The following RANBP2 variants were observed in gnomAD, a reference collection of about 807,000 sequenced individuals.
RANBP2 encodes the protein RAN binding protein 2.
A neutral mutation model predicts 303.6 loss-of-function variants in RANBP2; 57 were observed. That is an observed-to-expected ratio of 0.19 (90% CI 0.15 to 0.23). The LOEUF is 0.23. Among genes scored for constraint, RANBP2 ranks in the 10% least tolerant of loss-of-function variants. The pLI is 1.00. For synonymous variants in RANBP2, 1,167 were observed against 1,301.5 expected, an observed-to-expected ratio of 0.90 and a Z score of 2.23; for missense variants, 3,138 against 3,780.8, an observed-to-expected ratio of 0.83 and a Z score of 4.46.
chr2:109,385,563 C>T, the RANBP2 span, among the ~76,000 whole-genome samples: 40 of 152,330 alleles, frequency 2.6e-4, no homozygotes, highest in African/African-American at 9.4e-4. Context: ...CTTGAACTGT[C>T]CAGGGCAAAG....
At chr2:109,053,769 C>T in the RANBP2 span, among the ~76,000 whole-genome samples, 1 of 152,194 alleles carries the variant, frequency 6.6e-6, no homozygotes, top group South Asian at 2.1e-4. Context: ...GTAAGGACTC[C>T]ATTCGTCAGG....
chr2:108,764,653 T>G lies in RANBP2; in HGVS notation c.4114T>G (p.Cys1372Gly), dbSNP rs748526932. ...AAAGAATGCTTCAACTGCTAAGAAA[T>G]GTGTATCATGCCAAAATCTAAACCC... is the stretch of plus-strand genomic sequence containing the variant. ...SLKNASTAKK[C>G]VSCQNLNPSN... is the part of the protein sequence containing the mutation. Residue 1372 changes from cysteine (C) to glycine (G), a missense_variant, in exon 20 of 29, where the codon TGT (cysteine) becomes GGT (glycine). Around this residue, in one of 20 missense-constraint regions of RANBP2, gnomAD observed 388 missense variants for 328.5 expected, o/e 1.18. Coordinates refer to ENST00000283195, the MANE Select transcript of RANBP2 (RefSeq NM_006267.5). 3.2e-5 allele frequency: 52 copies of G among 1,613,974 alleles called. No individual in the cohort carries two copies. Among genetic ancestry groups the G allele is most frequent in the Non-Finnish European group, 4.4e-5 (52 of 1,179,948 alleles).
the RANBP2 span, among the ~76,000 whole-genome samples, chr2:109,643,031 A>T: frequency 1.1e-3 from 163 of 151,858 alleles, 1 homozygote; most frequent in Middle Eastern, 0.061. Flanking sequence ...TTTTTAAAAC[A>T]TTAGCCGGGT....
the RANBP2 span, among the ~76,000 whole-genome samples, chr2:109,363,949 A>T: frequency 6.6e-6 from 1 of 151,990 alleles, no homozygotes; most frequent in African/African-American, 2.4e-5. Context: ...TTTTTCTGGC[A>T]TCTATCCTGC....
At chr2:108,781,202 AATAAG>A (rs1295435296) in intron 25 of RANBP2, 62 bp from the exon 26 acceptor site, 4 of 1,494,548 alleles carry the variant, frequency 2.7e-6, no homozygotes, top group Non-Finnish European at 3.7e-6. Context: ...GGATTGATAA[AATAAG>A]AGGGGGATGA....
chr2:108,880,669 C>CA, the RANBP2 span, among the ~76,000 whole-genome samples: 10 of 152,206 alleles, frequency 6.6e-5, no homozygotes, highest in East Asian at 9.7e-4. Context: ...AATGGAAGAA[C>CA]AAAGCCTGGA....
Position 108,764,550 on chromosome 2 carries a change from T to G in RANBP2, c.4011T>G (p.Ser1337=). ...ATGATAACAAGGATATTTGCAAATC[T>G]GATGCTGGAAACCTGAATTTTGAAT... The part of the protein sequence containing the change: ...TSHDNKDICK[S]DAGNLNFEFQ... Residue 1337 remains serine (S), a synonymous_variant, in exon 20 of 29, where the codon TCT becomes TCG. Coordinates refer to ENST00000283195, the MANE Select transcript of RANBP2 (RefSeq NM_006267.5). 6.2e-7 allele frequency: 1 copy of G among 1,613,874 alleles called. No homozygotes were observed. Among genetic ancestry groups the G allele is most frequent in the Non-Finnish European group, 8.5e-7 (1 of 1,179,960 alleles).
chr2:109,361,699 C>G, the RANBP2 span, among the ~76,000 whole-genome samples: 19 of 152,168 alleles, frequency 1.2e-4, no homozygotes, highest in African/African-American at 4.3e-4. Context: ...TGGTCTTGAA[C>G]TCCTGACTTC....
the RANBP2 span, among the ~76,000 whole-genome samples, chr2:109,539,220 C>A: frequency 1.3e-5 from 2 of 151,980 alleles, no homozygotes; most frequent in Non-Finnish European, 2.9e-5. Context: ...ATCGCTTGAA[C>A]CCAGGAGGCA....
the RANBP2 span, among the ~76,000 whole-genome samples, chr2:109,287,717 C>A: frequency 6.6e-6 from 1 of 152,110 alleles, no homozygotes; most frequent in South Asian, 2.1e-4. Flanking sequence ...CATCAGAGGC[C>A]CTCTGCACAG....
At chr2:109,023,244 C>T in the RANBP2 span, among the ~76,000 whole-genome samples, 14 of 152,144 alleles carry the variant, frequency 9.2e-5, no homozygotes, top group African/African-American at 2.4e-4. Flanking sequence ...GCCCTGTGGA[C>T]GCACAGGACA....
the RANBP2 span, among the ~76,000 whole-genome samples, chr2:109,723,951 G>A: frequency 3.3e-5 from 5 of 152,138 alleles, no homozygotes; most frequent in South Asian, 2.1e-4. Context: ...TGTGTAAGGT[G>A]TAACAAAGGG....
the RANBP2 span, among the ~76,000 whole-genome samples, chr2:109,399,821 A>G: frequency 6.6e-6 from 1 of 152,332 alleles, no homozygotes; most frequent in African/African-American, 2.4e-5. Flanking sequence ...GTGACCCTGC[A>G]GCCACACTCC....
the RANBP2 span, among the ~76,000 whole-genome samples, chr2:109,335,254 C>T: frequency 0.27 from 41,342 of 152,210 alleles, 7,300 homozygotes; most frequent in African/African-American, 0.5. Context: ...GCCCCTCGCC[C>T]GTCCCACACG....
the RANBP2 span, among the ~76,000 whole-genome samples, chr2:109,620,984 A>T: frequency 6.6e-6 from 1 of 152,232 alleles, no homozygotes. Context: ...CTGAAAATTT[A>T]AAATAGATCA....
the RANBP2 span, among the ~76,000 whole-genome samples, chr2:109,523,295 C>G: frequency 6.6e-6 from 1 of 152,140 alleles, no homozygotes; most frequent in African/African-American, 2.4e-5. Context: ...GGGAAGTGAC[C>G]CACTCATGGG....
At chr2:108,850,525 C>T in the RANBP2 span, among the ~76,000 whole-genome samples, 1 of 152,080 alleles carries the variant, frequency 6.6e-6, no homozygotes, top group Non-Finnish European at 1.5e-5. Context: ...GATCTTGGCT[C>T]ACTGCAGCCT....
intron 25 of RANBP2, among the ~76,000 whole-genome samples, chr2:108,778,160 G>A (rs1678012970): frequency 1.3e-5 from 2 of 152,138 alleles, no homozygotes; most frequent in South Asian, 2.1e-4. Flanking sequence ...TAGGCTCCTT[G>A]TTACTCAGTG....
chr2:109,324,003 T>C, the RANBP2 span, among the ~76,000 whole-genome samples: 1 of 152,232 alleles, frequency 6.6e-6, no homozygotes, highest in Non-Finnish European at 1.5e-5. Context: ...AACACTAATG[T>C]AATTTCTGTC....
Sources: gnomAD v4.1 joint callset for allele counts (sites outside exome capture counted in the v4.1 genomes callset) on GRCh38, gnomAD v4.1.1 for gene constraint, gnomAD v4.1.1 regional missense constraint, MANE v1.5 for transcripts, NCBI Gene and HGNC (gene_info 2026-07-23, HGNC 2026-07-21) for gene names.